Variants in SMURF2 observed in about 807,000 individuals in gnomAD.
SMURF2 encodes E3 ubiquitin-protein ligase SMURF2.
SMURF2 carries 48 observed loss-of-function variants against 109.6 expected under a neutral mutation model. The ratio of observed to expected loss-of-function variants is 0.44; its 90% confidence interval spans 0.35 to 0.56. The LOEUF is 0.56. SMURF2 is among the 20% of genes least tolerant of loss of function. The pLI, the probability that SMURF2 is intolerant of heterozygous loss-of-function variation, is 0.01. For missense variants in SMURF2, 575 were observed against 909.0 expected, an observed-to-expected ratio of 0.63 and a Z score of 4.72; for synonymous variants, 288 against 317.1, an observed-to-expected ratio of 0.91 and a Z score of 0.97.
intron 1 of SMURF2, among the ~76,000 whole-genome samples, chr17:64,656,851 C>T (rs766115292): frequency 2.0e-5 from 3 of 152,200 alleles, no homozygotes; most frequent in Non-Finnish European, 4.4e-5. Context: ...ATACTGCTCC[C>T]AGATTGTGTC....
At chr17:64,659,307 A>T (rs1271671866) in intron 1 of SMURF2, among the ~76,000 whole-genome samples, 1 of 152,208 alleles carries the variant, frequency 6.6e-6, no homozygotes, top group African/African-American at 2.4e-5. Flanking sequence ...TTAAAATACT[A>T]ATATGGTATT....
intron 9 of SMURF2, among the ~76,000 whole-genome samples, chr17:64,576,873 CTTTTTTTT>C (rs782057854): frequency 2.5e-5 from 2 of 81,484 alleles, no homozygotes; most frequent in Admixed American, 1.5e-4. Context: ...TTTTTCTATC[CTTTTTTTT>C]TTTTTTTTTT....
Position 64,662,158 on chromosome 17 carries a change from C to CCTCCT in SMURF2, c.-283_-279dup, listed in dbSNP as rs963030665. ...GCCGCCTCCGCCCGCGCCCCCGCCG[C>CCTCCT]CTCCTCGCGGCCGCCGAGGCCTTTC... On this transcript the variant is annotated 5_prime_UTR_variant, in exon 1 of 19. Transcript: ENST00000262435. The CCTCCT allele has an allele frequency of 9.7e-7, 1 of 1,034,836 alleles. No individual in the cohort carries two copies. Among genetic ancestry groups the CCTCCT allele is most frequent in the Non-Finnish European group, 1.2e-6 (1 of 863,140 alleles). The allele number at this position is 1,034,836 out of a possible 1,614,324, so 64.1% of individuals were successfully genotyped here.
intron 1 of SMURF2, among the ~76,000 whole-genome samples, chr17:64,626,301 A>T (rs1173602776): frequency 6.6e-6 from 1 of 151,660 alleles, no homozygotes; most frequent in Non-Finnish European, 1.5e-5. Flanking sequence ...ATACATATTC[A>T]TGAAGGGTCA....
intron 6 of SMURF2, among the ~76,000 whole-genome samples, chr17:64,583,972 T>A (rs1555686822): frequency 6.6e-6 from 1 of 152,042 alleles, no homozygotes; most frequent in African/African-American, 2.4e-5. Context: ...CAAAAGCTTT[T>A]CAAAGCATTT....
intron 2 of SMURF2, among the ~76,000 whole-genome samples, chr17:64,604,076 T>C (rs1555688825): frequency 6.6e-6 from 1 of 152,168 alleles, no homozygotes; most frequent in East Asian, 1.9e-4. Context: ...AATTACTGTC[T>C]CTGAAATTAA....
At chr17:64,588,614 TGTTTTTTG>T (rs1969703126) in intron 5 of SMURF2, among the ~76,000 whole-genome samples, 1 of 151,784 alleles carries the variant, frequency 6.6e-6, no homozygotes, top group African/African-American at 2.4e-5. Context: ...TTTTTTTGTT[TGTTTTTTG>T]TTTTTTTGTT....
chr17:64,606,066 T>G (rs1463056303), intron 2 of SMURF2, among the ~76,000 whole-genome samples: 1 of 151,272 alleles, frequency 6.6e-6, no homozygotes, highest in Non-Finnish European at 1.5e-5. Context: ...GAAAAAAAAA[T>G]TACAACAGAT....
chr17:64,571,684 A>G, intron 10 of SMURF2, 114 bp downstream of exon 10: 1 of 1,115,192 alleles, frequency 9.0e-7, no homozygotes. Flanking sequence ...CTCCCAAAGC[A>G]CTGGGATTAA....
At position 64,591,112 on chromosome 17, in the gene SMURF2, G is replaced by A; in HGVS notation, c.372C>T (p.Asp124=). The stretch of plus-strand genomic sequence containing the variant: ...CTATCTGTCCTCTAACTGTATCATT[G>A]TCATTTGGCCCGAGTTTGCATAAAT... ...RLDLCKLGPN[D]NDTVRGQIVV... The change falls in exon 5 of 19, where the codon GAC becomes GAT. Residue 124 remains aspartate, a synonymous_variant. Coordinates refer to ENST00000262435, the MANE Select transcript of SMURF2 (RefSeq NM_022739.4). The A allele has an allele frequency of 6.2e-7, 1 of 1,613,132 alleles. No homozygotes were observed.
chr17:64,658,392 TAAA>T (rs1403504538), intron 1 of SMURF2, among the ~76,000 whole-genome samples: 1 of 152,216 alleles, frequency 6.6e-6, no homozygotes, highest in Non-Finnish European at 1.5e-5. Context: ...TAGGCATACT[TAAA>T]AACCTGTGAA....
intron 6 of SMURF2, among the ~76,000 whole-genome samples, chr17:64,583,909 C>T (rs545610803): frequency 9.9e-5 from 15 of 152,140 alleles, no homozygotes; most frequent in African/African-American, 3.1e-4. Flanking sequence ...GTGATCCACC[C>T]GCCTCGGCCT....
Position 64,648,075 on chromosome 17 carries a change from A to C in SMURF2, c.52+13754T>G, listed in dbSNP as rs1391952306. ...CTATCTCTTAAAAAAAAAAAAAAAA[A>C]AAAAAAAAAAAAAAAAACAGGATCT... On this transcript the variant is annotated intron_variant, in intron 1 of 18. Transcript: ENST00000262435. Among the ~76,000 whole-genome samples, 3 of 148,374 alleles carry C rather than the reference A, an allele frequency of 2.0e-5. No homozygotes were observed. In the East Asian group the frequency reaches 5.9e-4, roughly 29 times the overall value.
chr17:64,628,513 T>A (rs1555691336), intron 1 of SMURF2, among the ~76,000 whole-genome samples: 2 of 152,174 alleles, frequency 1.3e-5, no homozygotes, highest in Admixed American at 6.5e-5. Flanking sequence ...ACATGTCTAA[T>A]AAGTACTATG....
At position 64,543,551 on chromosome 17, in the gene SMURF2, G is replaced by C. The variant is rs915270565; in HGVS notation, c.*2297C>G. ...GGCCTCCCAAAGTGCTGGGATTACAGGTGTGAGCCACCATGCCCAGCCAAT... is the reference window on the plus strand; with the variant it reads ...GGCCTCCCAAAGTGCTGGGATTACACGTGTGAGCCACCATGCCCAGCCAAT... On this transcript the variant is annotated 3_prime_UTR_variant, in exon 19 of 19. Coordinates refer to ENST00000262435, the MANE Select transcript of SMURF2 (RefSeq NM_022739.4). 5.9e-5 allele frequency: 9 copies of C among 152,166 alleles called. No individual in the cohort carries two copies. The highest frequency in any genetic ancestry group is 2.2e-4 in the African/African-American group (9 of 41,432). 9.4% of individuals were successfully genotyped at this position (152,166 alleles called of 1,614,324 possible).
Position 64,621,924 on chromosome 17 carries a change from T to A in SMURF2, c.53-15284A>T, listed in dbSNP as rs143051029. 5.8e-3 allele frequency among the ~76,000 whole-genome samples: 825 copies of A among 141,772 alleles called. 3 individuals are homozygous for A. Among genetic ancestry groups the A allele is most frequent in the Middle Eastern group, 0.033 (9 of 272 alleles). The allele number at this position is 141,772 out of a possible 152,430, so 93.0% of individuals were successfully genotyped here. ...AAATAAATAATAATAATAATAATAA[T>A]AAAAAGCACTGTAGTGAGCCATCAT... On this transcript the variant is annotated intron_variant, in intron 1 of 18. Transcript: ENST00000262435.
chr17:64,602,116 G>A (rs529125450), intron 2 of SMURF2, among the ~76,000 whole-genome samples: 2 of 151,866 alleles, frequency 1.3e-5, no homozygotes, highest in African/African-American at 4.8e-5. Context: ...TCACATGTGG[G>A]AGCTAAGCTA....
At position 64,662,225 on chromosome 17, in the gene SMURF2, G is replaced by A. The variant is rs937900318; in HGVS notation, c.-345C>T. On this transcript the variant is annotated 5_prime_UTR_variant, in exon 1 of 19. Transcript: ENST00000262435. ...CGAGGCCCAGTAGCCGACGGGGCTG[G>A]TCGGCTGAAGCGGGCGGTGCTCGGG... The A allele has an allele frequency of 2.0e-6, 2 of 983,256 alleles. No individual in the cohort carries two copies. The highest frequency in any genetic ancestry group is 1.2e-6 in the Non-Finnish European group (1 of 829,148). The allele number at this position is 983,256 out of a possible 1,614,324, so 60.9% of individuals were successfully genotyped here.
chr17:64,554,441 A>T (rs1598268671), intron 15 of SMURF2, among the ~76,000 whole-genome samples: 1 of 152,046 alleles, frequency 6.6e-6, no homozygotes, highest in African/African-American at 2.4e-5. Flanking sequence ...GGCTATGGGG[A>T]GAGGGAGTGG....
Sources: gnomAD v4.1 joint callset for allele counts (sites outside exome capture counted in the v4.1 genomes callset) on GRCh38, gnomAD v4.1.1 for gene constraint, MANE v1.5 for transcripts, NCBI Gene and HGNC (gene_info 2026-07-23, HGNC 2026-07-21) for gene names.